The following LPP variants were observed in gnomAD, a reference collection of about 807,000 sequenced individuals.
The protein encoded by LPP is lipoma-preferred partner.
In LPP, 38 loss-of-function variants were observed where a neutral mutation model predicts 60.4. That is an observed-to-expected ratio of 0.63 (90% CI 0.49 to 0.83). The LOEUF is 0.83. Among genes scored for constraint, LPP ranks in the 40% least tolerant of loss-of-function variants. The pLI, the probability that LPP is intolerant of heterozygous loss-of-function variation, is 0.00. For missense variants in LPP, 902 were observed against 783.6 expected (o/e 1.15, Z -1.80); for synonymous variants, 328 against 290.8 (o/e 1.13, Z -1.30).
intron 4 of LPP, among the ~76,000 whole-genome samples, chr3:188,440,885 T>C (rs551806013): frequency 2.6e-4 from 40 of 152,042 alleles, no homozygotes; most frequent in Middle Eastern, 6.8e-3. Context: ...AACTGCAAAA[T>C]TGCTGGGATT....
intron 6 of LPP, among the ~76,000 whole-genome samples, chr3:188,557,710 G>T (rs551531029): frequency 6.6e-6 from 1 of 152,064 alleles, no homozygotes; most frequent in Non-Finnish European, 1.5e-5. Context: ...AAGAACATGA[G>T]GGAAACTAGA....
Position 188,874,361 on chromosome 3 carries a change from G to C in LPP, c.1721G>C (p.Gly574Ala). 1.2e-6 allele frequency: 2 copies of C among 1,613,566 alleles called. No individual in the cohort carries two copies. The highest frequency in any genetic ancestry group is 1.3e-5 in the African/African-American group (1 of 74,998). Residue 574 changes from glycine to alanine, a missense_variant, in exon 12 of 12, where the codon GGT becomes GCT. Coordinates refer to ENST00000617246, the MANE Select transcript of LPP (RefSeq NM_001375462.1). ...VHCYRCEDCG[G>A]LLSEGDNQGC... Reference sequence around the variant, plus strand: ...TCTTTACTGTTCTAGGATTGCGGTGGTCTCCTGTCTGAAGGAGATAACCAA... The same window carrying C: ...TCTTTACTGTTCTAGGATTGCGGTGCTCTCCTGTCTGAAGGAGATAACCAA...
intron 2 of LPP, 21 bp from the exon 3 acceptor site, chr3:188,341,642 T>G (rs1449634982): frequency 2.1e-6 from 2 of 963,114 alleles, no homozygotes; most frequent in African/African-American, 3.5e-5. Flanking sequence ...AATTTTTACT[T>G]ATTTCATTTG....
chr3:188,808,703 A>G (rs1325368588), intron 9 of LPP, among the ~76,000 whole-genome samples: 1 of 152,178 alleles, frequency 6.6e-6, no homozygotes, highest in East Asian at 1.9e-4. Context: ...TCCAGGATAC[A>G]TGTGCAGAAC....
intron 7 of LPP, among the ~76,000 whole-genome samples, chr3:188,702,178 G>A (rs1034628114): frequency 4.0e-5 from 6 of 151,744 alleles, no homozygotes; most frequent in Admixed American, 3.9e-4. Flanking sequence ...GGATGGTCTC[G>A]ATTTCCTGAC....
intron 3 of LPP, among the ~76,000 whole-genome samples, chr3:188,379,172 G>T (rs909687833): frequency 1.3e-5 from 2 of 152,014 alleles, no homozygotes; most frequent in Non-Finnish European, 2.9e-5. Flanking sequence ...ACACAAGTTT[G>T]GTTTTGTCTG....
intron 2 of LPP, among the ~76,000 whole-genome samples, chr3:188,341,405 A>T (rs1763021459): frequency 6.6e-6 from 1 of 152,164 alleles, no homozygotes; most frequent in African/African-American, 2.4e-5. Context: ...TGGTTTCTGT[A>T]AAGTTAATCA....
intron 4 of LPP, among the ~76,000 whole-genome samples, chr3:188,471,403 T>C (rs978047137): frequency 2.0e-5 from 3 of 152,210 alleles, no homozygotes; most frequent in African/African-American, 7.2e-5. Flanking sequence ...AGTCTAGATA[T>C]GAGGTAACTA....
At chr3:188,622,168 G>A (rs1186623385) in intron 7 of LPP, among the ~76,000 whole-genome samples, 3 of 152,194 alleles carry the variant, frequency 2.0e-5, no homozygotes, top group East Asian at 1.9e-4. Flanking sequence ...GCAGATAATG[G>A]TATCTGTTTT....
chr3:188,640,429 T>G, intron 7 of LPP, among the ~76,000 whole-genome samples: 1 of 145,662 alleles, frequency 6.9e-6, no homozygotes, highest in Non-Finnish European at 1.5e-5. Context: ...GATGACGAGT[T>G]AGTGGGTGCA....
rs559481979 is a variant in LPP at position 188,824,100 on chromosome 3, T to C, written c.1411-42100T>C. Reference sequence around the variant, plus strand: ...AGAAAAATAACCGAGAGAGTTATATTGTAATTCTGGCTCTACTGTATACTA... The same window carrying C: ...AGAAAAATAACCGAGAGAGTTATATCGTAATTCTGGCTCTACTGTATACTA... On this transcript the variant is annotated intron_variant, in intron 9 of 11. Coordinates refer to ENST00000617246, the MANE Select transcript of LPP (RefSeq NM_001375462.1). Among the ~76,000 whole-genome samples, 5 of 152,334 alleles carry C rather than the reference T, an allele frequency of 3.3e-5. No homozygotes were observed. The South Asian group carries it at 1.0e-3, about 32-fold the overall frequency.
intron 9 of LPP, among the ~76,000 whole-genome samples, 172 bp from the exon 10 acceptor site, chr3:188,866,028 C>T (rs1181369548): frequency 6.6e-6 from 1 of 152,132 alleles, no homozygotes; most frequent in Non-Finnish European, 1.5e-5. Context: ...CACTTGTTTT[C>T]TATTTGTAAG....
chr3:188,570,544 A>G (rs969836209), intron 6 of LPP, among the ~76,000 whole-genome samples: 1 of 152,096 alleles, frequency 6.6e-6, no homozygotes, highest in Admixed American at 6.6e-5. Context: ...AGTACCAGAT[A>G]GGACACGCTA....
At chr3:188,434,081 T>G (rs1791700276) in intron 4 of LPP, among the ~76,000 whole-genome samples, 1 of 152,172 alleles carries the variant, frequency 6.6e-6, no homozygotes, top group Non-Finnish European at 1.5e-5. Flanking sequence ...ACAGATGCTG[T>G]GATTAGTGTT....
intron 3 of LPP, among the ~76,000 whole-genome samples, chr3:188,387,526 A>C (rs930592060): frequency 2.0e-5 from 3 of 151,162 alleles, no homozygotes; most frequent in Admixed American, 1.3e-4. Flanking sequence ...ATAATCTTAT[A>C]TATGATGTCT....
In LPP at chr3:188,609,546, A is replaced by T. The variant is rs755103417; in HGVS notation, c.815A>T (p.Asp272Val). ...CPPPSTRGGM[D>V]YAYIPPPGLQ... is the part of the protein sequence containing the mutation. The stretch of plus-strand genomic sequence containing the variant: ...CCTCCTTCAACACGGGGAGGCATGG[A>T]TTATGCCTACATTCCACCACCAGGA... The change falls in exon 7 of 12, where the codon GAT becomes GTT. Residue 272 changes from aspartate (D) to valine (V), a missense_variant. Coordinates refer to ENST00000617246, the MANE Select transcript of LPP (RefSeq NM_001375462.1). The surrounding 1 kb of genome is among the most constrained non-coding windows in gnomAD (Gnocchi z 6.9). 6.2e-7 allele frequency: 1 copy of T among 1,614,100 alleles called. No homozygotes were observed. The highest frequency in any genetic ancestry group is 1.1e-5 in the South Asian group (1 of 91,086).
intron 3 of LPP, among the ~76,000 whole-genome samples, chr3:188,371,641 A>ATATATATATATATTTT (rs1553878071): frequency 3.1e-5 from 1 of 32,172 alleles, no homozygotes; most frequent in Non-Finnish European, 5.2e-5. Flanking sequence ...ATATATATAT[A>ATATATATATATATTTT]TTTTTTTTTT....
At chr3:188,382,331 G>T (rs1191235554) in intron 3 of LPP, among the ~76,000 whole-genome samples, 1 of 152,142 alleles carries the variant, frequency 6.6e-6, no homozygotes, top group African/African-American at 2.4e-5. Context: ...GAGATCAGTA[G>T]ACCTGTGCAT....
intron 3 of LPP, among the ~76,000 whole-genome samples, chr3:188,364,328 T>A (rs960329633): frequency 1.3e-4 from 20 of 152,232 alleles, no homozygotes; most frequent in African/African-American, 4.8e-4. Context: ...TGTCTTACTG[T>A]CTTTAATAGA....
Sources: allele counts gnomAD v4.1 joint callset (sites outside exome capture counted in the v4.1 genomes callset), GRCh38; gene constraint gnomAD v4.1.1; non-coding constraint Gnocchi (gnomAD v3.1); transcripts MANE v1.5; gene names NCBI Gene and HGNC (gene_info 2026-07-23, HGNC 2026-07-21).